Variants in JPH2 observed in about 807,000 individuals in gnomAD.
JPH2 encodes the protein junctophilin-2.
A neutral mutation model predicts 55.9 loss-of-function variants in JPH2; 38 were observed. The ratio of observed to expected loss-of-function variants is 0.68; its 90% CI spans 0.52 to 0.89. The LOEUF is 0.89. JPH2 is among the 40% of genes least tolerant of loss of function. The probability of loss-of-function intolerance (pLI) is 0.00; values close to 1 mark genes in which losing one functional copy is unlikely to be tolerated. For synonymous variants in JPH2, 480 were observed against 472.4 expected (o/e 1.02, Z -0.21); for missense variants, 964 against 1,037.6 (o/e 0.93, Z 0.97).
rs779061725 is a variant in JPH2 at position 44,109,669 on chromosome 20, C to T, written c.*3849G>A. ...AGCTATTTTAATTTCAGCATACATG[C>T]AAGTTTTATGTTTTACAGTTTAGGT... On this transcript the variant is annotated 3_prime_UTR_variant, in exon 6 of 6. Coordinates refer to ENST00000372980, the MANE Select transcript of JPH2 (RefSeq NM_020433.5). Among the ~76,000 whole-genome samples the T allele has an allele frequency of 6.6e-6, 1 of 152,192 alleles. No individual in the cohort carries two copies. Among genetic ancestry groups the T allele is most frequent in the Non-Finnish European group, 1.5e-5 (1 of 68,038 alleles).
intron 1 of JPH2, among the ~76,000 whole-genome samples, chr20:44,172,251 G>T (rs1253410381): frequency 2.0e-5 from 3 of 152,172 alleles, no homozygotes; most frequent in Non-Finnish European, 2.9e-5. Flanking sequence ...TGAGATGGCT[G>T]ATCACCCTAA....
chr20:44,166,826 C>T (rs1471225732), intron 1 of JPH2, among the ~76,000 whole-genome samples: 1 of 152,198 alleles, frequency 6.6e-6, no homozygotes, highest in Non-Finnish European at 1.5e-5. Flanking sequence ...AAGGAAGGGC[C>T]TCCTCCGATA....
chr20:44,119,668 T>C (rs1569183254), intron 2 of JPH2, among the ~76,000 whole-genome samples: 1 of 152,176 alleles, frequency 6.6e-6, no homozygotes, highest in African/African-American at 2.4e-5. Context: ...GGTCAGGAGA[T>C]GGAGACCATC....
Position 44,147,485 on chromosome 20 carries a change from C to G in JPH2, c.1169+12133G>C, listed in dbSNP as rs143517880. Among the ~76,000 whole-genome samples, 70 of 152,296 alleles carry G rather than the reference C, an allele frequency of 4.6e-4. 3 individuals carry two copies. The East Asian group carries it at 0.014, about 29-fold the overall frequency. Reference sequence around the variant, plus strand: ...CTCAAAACATATTACATCAAAAACGCAAGTTCCAGAACATTATGTAGGTAG... The same window carrying G: ...CTCAAAACATATTACATCAAAAACGGAAGTTCCAGAACATTATGTAGGTAG... On this transcript the variant is annotated intron_variant, in intron 2 of 5. Transcript: ENST00000372980.
At chr20:44,114,996 C>T (rs916529118) in intron 4 of JPH2, 120 bp from the exon 5 acceptor site, 18 of 769,120 alleles carry the variant, frequency 2.3e-5, no homozygotes, top group African/African-American at 1.9e-4. Context: ...AGAGCATTGC[C>T]GGCTTTGTTC....
chr20:44,176,822 A>G, intron 1 of JPH2: 1 of 965,180 alleles, frequency 1.0e-6, no homozygotes, highest in Non-Finnish European at 1.2e-6. Flanking sequence ...AAAGGTATCC[A>G]TAAAGGATTC....
rs546121051 is a variant in JPH2 at position 44,155,762 on chromosome 20, G to A, written c.1169+3856C>T. 2.3e-4 allele frequency among the ~76,000 whole-genome samples: 35 copies of A among 152,290 alleles called. No homozygotes were observed. The South Asian group carries it at 6.2e-3, about 27-fold the overall frequency. ...ACTCCTCAAAACTGTTGGGCTGGGC[G>A]TGGTGGCTCACACCTGTAATACGAG... On this transcript the variant is annotated intron_variant, in intron 2 of 5. Coordinates refer to ENST00000372980, the MANE Select transcript of JPH2 (RefSeq NM_020433.5).
chr20:44,118,471 C>T (rs2072209824), intron 3 of JPH2, 34 bp downstream of exon 3: 1 of 1,531,928 alleles, frequency 6.5e-7, no homozygotes, highest in Non-Finnish European at 9.0e-7. Flanking sequence ...TAGGGATAGC[C>T]CTACCCTGCC....
At chr20:44,115,340 A>G (rs1353456682) in intron 4 of JPH2, among the ~76,000 whole-genome samples, 1 of 152,014 alleles carries the variant, frequency 6.6e-6, no homozygotes, top group East Asian at 1.9e-4. Flanking sequence ...TGCCCAGCCC[A>G]ACCCCCCTGA....
chr20:44,180,895 T>A (rs2072776742), intron 1 of JPH2, among the ~76,000 whole-genome samples: 1 of 149,772 alleles, frequency 6.7e-6, no homozygotes, highest in South Asian at 2.1e-4. Flanking sequence ...CTCTAGGAGG[T>A]CCAGAGTCCG....
intron 1 of JPH2, among the ~76,000 whole-genome samples, chr20:44,175,993 C>T (rs1032645468): frequency 4.6e-5 from 7 of 152,166 alleles, no homozygotes; most frequent in African/African-American, 1.7e-4. Flanking sequence ...ACTCCTGACC[C>T]TTCCTCCTCA....
At chr20:44,157,769 G>A (rs181155137) in intron 2 of JPH2, among the ~76,000 whole-genome samples, 117 of 152,306 alleles carry the variant, frequency 7.7e-4, no homozygotes, top group African/African-American at 2.7e-3. Context: ...AAATGGCAAG[G>A]CCAGGATTTG....
In JPH2 at chr20:44,136,559, T is replaced by C. The variant is rs199760560; in HGVS notation, c.1170-17936A>G. 3.9e-5 allele frequency among the ~76,000 whole-genome samples: 6 copies of C among 152,220 alleles called. No homozygotes were observed. In the East Asian group the frequency reaches 9.6e-4, roughly 24 times the overall value. Reference sequence around the variant, plus strand: ...TTAATTCTCACAATATTCTCTAAAGTAGGTATCACTATCCCCACTTTGCAG... The same window carrying C: ...TTAATTCTCACAATATTCTCTAAAGCAGGTATCACTATCCCCACTTTGCAG... On this transcript the variant is annotated intron_variant, in intron 2 of 5. Coordinates refer to ENST00000372980, the MANE Select transcript of JPH2 (RefSeq NM_020433.5).
chr20:44,116,420 C>A lies in JPH2; in HGVS notation c.1289-34G>T, dbSNP rs116625075. ...GCAACACAGGGAGGCTGGGCTCGAACCCCGCACCACTGTTGGGTGATCCTG... is the reference window on the plus strand; with the variant it reads ...GCAACACAGGGAGGCTGGGCTCGAAACCCGCACCACTGTTGGGTGATCCTG... On this transcript the variant is annotated intron_variant, in intron 3 of 5. Coordinates refer to ENST00000372980, the MANE Select transcript of JPH2 (RefSeq NM_020433.5). 3,531 of 1,543,664 alleles carry A rather than the reference C, an allele frequency of 2.3e-3. 85 individuals are homozygous for A. In the African/African-American group the frequency reaches 0.044, roughly 19 times the overall value.
chr20:44,165,389 C>T (rs888254098), intron 1 of JPH2, among the ~76,000 whole-genome samples: 3 of 152,214 alleles, frequency 2.0e-5, no homozygotes, highest in East Asian at 1.9e-4. Context: ...AGAATCCAGC[C>T]GCTTCTCACC....
intron 1 of JPH2, among the ~76,000 whole-genome samples, chr20:44,178,176 T>G (rs1456595764): frequency 6.6e-6 from 1 of 152,160 alleles, no homozygotes; most frequent in Non-Finnish European, 1.5e-5. Context: ...CAAACTATTT[T>G]AAGTTAAAAG....
chr20:44,176,998 C>T (rs41279274), intron 1 of JPH2: 13,424 of 985,452 alleles, frequency 0.014, 102 homozygotes, highest in Non-Finnish European at 0.015. Context: ...ACAAGGTGCT[C>T]ATTCCTGGCC....
At chr20:44,120,081 G>T (rs142900599) in intron 2 of JPH2, among the ~76,000 whole-genome samples, 1 of 151,782 alleles carries the variant, frequency 6.6e-6, no homozygotes, top group African/African-American at 2.4e-5. Context: ...CCTTCCCTAC[G>T]CCATCCTGCC....
rs76893095 is a variant in JPH2, at chr20:44,142,711, G to A, written c.1169+16907C>T. On this transcript the variant is annotated intron_variant, in intron 2 of 5. Coordinates refer to ENST00000372980, the MANE Select transcript of JPH2 (RefSeq NM_020433.5). ...TGCTGTCTGTCTCCCCAGCGGGAGG[G>A]CAAACATCATGAAGGCTGGATCTTC... Among the ~76,000 whole-genome samples the A allele has an allele frequency of 5.9e-5, 9 of 152,364 alleles. No homozygotes were observed. In the East Asian group the frequency reaches 1.5e-3, roughly 26 times the overall value.
Sources: allele counts gnomAD v4.1 joint callset (sites outside exome capture counted in the v4.1 genomes callset), GRCh38; gene constraint gnomAD v4.1.1; transcripts MANE v1.5; gene names NCBI Gene and HGNC (gene_info 2026-07-23, HGNC 2026-07-21).